Variants in SLC39A11 observed in about 807,000 individuals in gnomAD.
SLC39A11 encodes the protein solute carrier family 39 member 11.
SLC39A11 carries 33 observed loss-of-function variants against 36.1 expected under a neutral mutation model. That is an observed-to-expected ratio of 0.91 (90% CI 0.69 to 1.22). SLC39A11 has a LOEUF of 1.22. SLC39A11 is among the 50% of genes most tolerant of loss of function. SLC39A11 has a pLI of 0.00. For missense variants in SLC39A11, 432 were observed against 430.3 expected, an observed-to-expected ratio of 1.00 and a Z score of -0.03; for synonymous variants, 166 against 170.3, an observed-to-expected ratio of 0.97 and a Z score of 0.20.
intron 5 of SLC39A11, among the ~76,000 whole-genome samples, chr17:72,909,611 T>G (rs2082856416): frequency 6.6e-6 from 1 of 152,278 alleles, no homozygotes; most frequent in African/African-American, 2.4e-5. Flanking sequence ...ATCCTCAGCT[T>G]CCACAGGTTC....
intron 7 of SLC39A11, among the ~76,000 whole-genome samples, chr17:72,706,511 A>G (rs1195914998): frequency 6.6e-6 from 1 of 152,178 alleles, no homozygotes; most frequent in African/African-American, 2.4e-5. Context: ...GCAAAGAAAG[A>G]ATGGGAAACA....
At chr17:72,929,956 C>G (rs1382285924) in intron 5 of SLC39A11, among the ~76,000 whole-genome samples, 1 of 152,164 alleles carries the variant, frequency 6.6e-6, no homozygotes, top group African/African-American at 2.4e-5. Context: ...ATGTCCCTGA[C>G]TTTGCGAGGA....
intron 4 of SLC39A11, among the ~76,000 whole-genome samples, chr17:72,974,484 A>G (rs537028421): frequency 1.3e-5 from 2 of 152,278 alleles, no homozygotes; most frequent in African/African-American, 2.4e-5. Flanking sequence ...TTTAATAGAA[A>G]AAAGCTTACA....
chr17:72,686,841 G>C (rs1422363554), intron 7 of SLC39A11, among the ~76,000 whole-genome samples: 1 of 152,178 alleles, frequency 6.6e-6, no homozygotes, highest in Admixed American at 6.5e-5. Flanking sequence ...GACCACCACA[G>C]GTCATTTAAT....
At chr17:72,718,326 CT>C (rs1299073886) in intron 7 of SLC39A11, among the ~76,000 whole-genome samples, 1 of 152,130 alleles carries the variant, frequency 6.6e-6, no homozygotes, top group African/African-American at 2.4e-5. Flanking sequence ...GTAATCCCAG[CT>C]ACTCGTGAGG....
chr17:72,962,588 G>C lies in SLC39A11; in HGVS notation c.307-14713C>G, dbSNP rs1431995856. Among the ~76,000 whole-genome samples, 3 of 152,030 alleles carry C rather than the reference G, an allele frequency of 2.0e-5. No homozygotes were observed. In the South Asian group the frequency reaches 6.2e-4, roughly 32 times the overall value. ...GTCTTGCTCTGTTGCCCAGGCTGGA[G>C]TACAGTGGCCCGACCTTGGCTCACT... is the stretch of plus-strand genomic sequence containing the variant. On this transcript the variant is annotated intron_variant, in intron 4 of 9. Transcript: ENST00000255559.
chr17:72,944,238 CTG>C (rs770683242), intron 5 of SLC39A11, among the ~76,000 whole-genome samples: 36 of 152,190 alleles, frequency 2.4e-4, no homozygotes, highest in Non-Finnish European at 4.3e-4. Context: ...GTATTGGCCT[CTG>C]TGTGCATCGG....
At chr17:73,061,084 G>A (rs1057218681) in intron 3 of SLC39A11, among the ~76,000 whole-genome samples, 6 of 152,174 alleles carry the variant, frequency 3.9e-5, no homozygotes, top group Non-Finnish European at 7.3e-5. Context: ...AGAACTCACC[G>A]AGCGTGGTGG....
chr17:72,792,549 G>C (rs1348363696), intron 6 of SLC39A11, among the ~76,000 whole-genome samples: 1 of 152,096 alleles, frequency 6.6e-6, no homozygotes, highest in African/African-American at 2.4e-5. Flanking sequence ...AAGTATGAGA[G>C]AGGAGGTGAT....
At chr17:72,671,909 T>G (rs1476771295) in intron 7 of SLC39A11, among the ~76,000 whole-genome samples, 1 of 151,928 alleles carries the variant, frequency 6.6e-6, no homozygotes. Context: ...AGGGTAAAAT[T>G]TTTCAGTAAT....
chr17:72,871,227 A>C (rs891090568), intron 5 of SLC39A11, among the ~76,000 whole-genome samples: 1 of 151,668 alleles, frequency 6.6e-6, no homozygotes, highest in African/African-American at 2.4e-5. Context: ...ATGCCCGGCT[A>C]ATTTTTTTGT....
chr17:72,708,797 G>C (rs2072995760), intron 7 of SLC39A11, among the ~76,000 whole-genome samples: 1 of 152,180 alleles, frequency 6.6e-6, no homozygotes, highest in Admixed American at 6.5e-5. Context: ...GATAAGCCTT[G>C]GATTTGCTTT....
chr17:73,019,822 C>T (rs764437017), intron 4 of SLC39A11, among the ~76,000 whole-genome samples: 7 of 152,134 alleles, frequency 4.6e-5, no homozygotes, highest in East Asian at 1.9e-4. Flanking sequence ...AATTAAGAGA[C>T]GGAGATCCTT....
chr17:73,067,982 T>C, intron 3 of SLC39A11: 1 of 1,593,622 alleles, frequency 6.3e-7, no homozygotes, highest in Non-Finnish European at 8.6e-7. Context: ...CTGATTCACA[T>C]AAATAAACAA....
intron 6 of SLC39A11, among the ~76,000 whole-genome samples, chr17:72,823,082 A>G (rs1043765829): frequency 6.6e-6 from 1 of 151,266 alleles, no homozygotes; most frequent in African/African-American, 2.4e-5. Flanking sequence ...AAGCTGGGAC[A>G]AGGCAGGAAG....
In SLC39A11 at chr17:73,013,200, G is replaced by A. The variant is rs149732642; in HGVS notation, c.306+18356C>T. On this transcript the variant is annotated intron_variant, in intron 4 of 9. Coordinates refer to ENST00000255559, the MANE Select transcript of SLC39A11 (RefSeq NM_139177.4). ...TCCACCTCCTGGGTTCAAGGAACCT[G>A]CCTCAGCCTCCCGAGTAGCTGGGAC... Among the ~76,000 whole-genome samples the A allele has an allele frequency of 3.6e-3, 542 of 152,274 alleles. 14 individuals carry two copies. The highest frequency in any genetic ancestry group is 7.2e-4 in the Non-Finnish European group (49 of 68,028).
intron 7 of SLC39A11, among the ~76,000 whole-genome samples, chr17:72,699,996 CT>C (rs2072530812): frequency 7.0e-6 from 1 of 141,996 alleles, no homozygotes; most frequent in South Asian, 2.2e-4. Flanking sequence ...CAGAGTGGTA[CT>C]TCTGGTACCT....
chr17:72,876,203 T>A lies in SLC39A11; in HGVS notation c.431-26399A>T, dbSNP rs1368345869. 2.0e-5 allele frequency among the ~76,000 whole-genome samples: 3 copies of A among 152,140 alleles called. 1 individual carries two copies. In the South Asian group the frequency reaches 6.2e-4, roughly 32 times the overall value. On this transcript the variant is annotated intron_variant, in intron 5 of 9. Transcript: ENST00000255559. The stretch of plus-strand genomic sequence containing the variant: ...GCTCTGCCATGCCCAAAAGCCTCCA[T>A]CAAGATCAATGGGTGGAAACAGAAA...
At chr17:72,811,312 C>T (rs2077428494) in intron 6 of SLC39A11, among the ~76,000 whole-genome samples, 1 of 152,148 alleles carries the variant, frequency 6.6e-6, no homozygotes, top group South Asian at 2.1e-4. Context: ...AATCCAGTCT[C>T]TAGGGCCCCA....
Sources: gnomAD v4.1 joint callset for allele counts (sites outside exome capture counted in the v4.1 genomes callset) on GRCh38, gnomAD v4.1.1 for gene constraint, MANE v1.5 for transcripts, NCBI Gene and HGNC (gene_info 2026-07-23, HGNC 2026-07-21) for gene names.